The following SERPINF2 variants were observed in gnomAD, a reference collection of about 807,000 sequenced individuals.
The protein encoded by SERPINF2 is alpha-2-antiplasmin.
A neutral mutation model predicts 45.0 loss-of-function variants in SERPINF2; 15 were observed. The observed-to-expected ratio is 0.33, with a 90% CI of 0.22 to 0.51. SERPINF2 has a LOEUF of 0.51. Ranked by LOEUF, SERPINF2 falls within the 20% of genes least tolerant of loss-of-function variation. The pLI is 0.97. For missense variants in SERPINF2, 518 were observed against 637.4 expected (o/e 0.81, Z 2.02); for synonymous variants, 283 against 277.9 (o/e 1.02, Z -0.18).
intron 8 of SERPINF2, among the ~76,000 whole-genome samples, chr17:1,751,670 C>T (rs1346756643): frequency 7.3e-6 from 1 of 137,696 alleles, no homozygotes; most frequent in Non-Finnish European, 1.6e-5. Flanking sequence ...AGAAGAATGG[C>T]GTGAATCCAC....
At chr17:1,744,403 G>T (rs549602371) in intron 1 of SERPINF2, among the ~76,000 whole-genome samples, 1 of 152,222 alleles carries the variant, frequency 6.6e-6, no homozygotes, top group African/African-American at 2.4e-5. Flanking sequence ...TGAAGCAGGA[G>T]AATCGCTTGA....
In SERPINF2 at chr17:1,745,563, C is replaced by G. The variant is rs1440132911; in HGVS notation, c.166-145C>G. On this transcript the variant is annotated intron_variant, in intron 4 of 9. Coordinates refer to ENST00000453066, the MANE Select transcript of SERPINF2 (RefSeq NM_000934.4). This position sits in a 1 kb window ranked among gnomAD's most constrained non-coding sequence, Gnocchi z 6.2. ...AAGGTGGGCGCCAGGCCCCAGAATG[C>G]CAGTGCCCTCCGTCTGACGCTCCCT... 2.6e-6 allele frequency: 3 copies of G among 1,155,172 alleles called. No individual in the cohort carries two copies. The highest frequency in any genetic ancestry group is 3.0e-5 in the African/African-American group (2 of 65,762). 71.6% of individuals were successfully genotyped at this position (1,155,172 alleles called of 1,614,324 possible).
intron 7 of SERPINF2, among the ~76,000 whole-genome samples, chr17:1,748,198 G>A (rs1189271574): frequency 1.3e-5 from 2 of 151,892 alleles, no homozygotes; most frequent in African/African-American, 4.8e-5. Context: ...CTACTCGGGA[G>A]GCTGAGGCAG....
chr17:1,754,759 A>G lies in SERPINF2; in HGVS notation c.*225A>G. On this transcript the variant is annotated 3_prime_UTR_variant, in exon 10 of 10. Coordinates refer to ENST00000453066, the MANE Select transcript of SERPINF2 (RefSeq NM_000934.4). Reference sequence around the variant, plus strand: ...CCTGACCCTCATCTTTCTTCCAAACAGGCTCAGAGGGTGTCCTGCACCGGG... The same window carrying G: ...CCTGACCCTCATCTTTCTTCCAAACGGGCTCAGAGGGTGTCCTGCACCGGG... 1.7e-6 allele frequency: 1 copy of G among 599,628 alleles called. No individual in the cohort carries two copies. Among genetic ancestry groups the G allele is most frequent in the Non-Finnish European group, 2.9e-6 (1 of 347,048 alleles). 37.1% of individuals were successfully genotyped at this position (599,628 alleles called of 1,614,324 possible). A position where few individuals can be genotyped will look rare whatever the true frequency, so the allele number is the denominator to read the frequency against.
chr17:1,746,650 C>T (rs1905851415), intron 5 of SERPINF2, among the ~76,000 whole-genome samples: 1 of 152,090 alleles, frequency 6.6e-6, no homozygotes, highest in African/African-American at 2.4e-5. Flanking sequence ...TGGTCTCGAA[C>T]TCTCGACCTA....
Position 1,745,286 on chromosome 17 carries a change from G to A in SERPINF2, c.103-47G>A. ...TCACTGGTGGCTTGGGCAGGGTGGG[G>A]GGCCTGTGGGAAGGGTCGGTCTCCA... On this transcript the variant is annotated intron_variant, in intron 3 of 9. Coordinates refer to ENST00000453066, the MANE Select transcript of SERPINF2 (RefSeq NM_000934.4). The surrounding 1 kb of genome is among the most constrained non-coding windows in gnomAD (Gnocchi z 6.2). 1 of 1,610,528 alleles carries A rather than the reference G, an allele frequency of 6.2e-7. No homozygotes were observed. Among genetic ancestry groups the A allele is most frequent in the Non-Finnish European group, 8.5e-7 (1 of 1,178,842 alleles).
In SERPINF2 at chr17:1,748,702, C is replaced by CAG; in HGVS notation, c.820_821insAG (p.Pro274GlnfsTer24). The CAG allele has an allele frequency of 6.4e-7, 1 of 1,564,128 alleles. No individual in the cohort carries two copies. The highest frequency in any genetic ancestry group is 8.8e-7 in the Non-Finnish European group (1 of 1,134,420). On this transcript the variant is annotated frameshift_variant, in exon 8 of 10. Transcript: ENST00000453066. LOFTEE classifies it high-confidence loss of function. ...GGAAATGATGCAGGCCCGCACGTAC[C>CAG]CGCTGCGCTGGTTCTTGCTGGAGCA...
intron 1 of SERPINF2, among the ~76,000 whole-genome samples, chr17:1,743,288 T>C (rs999617896): frequency 2.0e-5 from 3 of 152,222 alleles, no homozygotes; most frequent in Non-Finnish European, 4.4e-5. Flanking sequence ...CAGAGGTGGC[T>C]CTGGCCAGAG....
Position 1,754,173 on chromosome 17 carries a change from G to A in SERPINF2, c.1115G>A (p.Ser372Asn). The A allele has an allele frequency of 1.9e-6, 3 of 1,611,686 alleles. No homozygotes were observed. Among genetic ancestry groups the A allele is most frequent in the South Asian group, 2.2e-5 (2 of 91,080 alleles). The change falls in exon 10 of 10, where the codon AGC becomes AAC. Residue 372 changes from serine (S) to asparagine (N), a missense_variant. Physicochemically the swap from Ser to Asn is conservative, Grantham distance 46 (BLOSUM62 1). Coordinates refer to ENST00000453066, the MANE Select transcript of SERPINF2 (RefSeq NM_000934.4). ...APDLRGISEQ[S>N]LVVSGVQHQS... ...GACCTGCGTGGGATCTCCGAGCAGA[G>A]CCTGGTGGTGTCCGGCGTGCAGCAT... is the stretch of plus-strand genomic sequence containing the variant.
At chr17:1,748,761 A>G (rs763118282) in intron 8 of SERPINF2, 21 bp downstream of exon 8, 21 of 1,230,482 alleles carry the variant, frequency 1.7e-5, no homozygotes, top group Middle Eastern at 1.9e-4. Flanking sequence ...GTTGTCCAGC[A>G]GGCTGGGCCT....
At chr17:1,744,053 G>A (rs1003490115) in intron 1 of SERPINF2, among the ~76,000 whole-genome samples, 10 of 150,302 alleles carry the variant, frequency 6.7e-5, no homozygotes, top group African/African-American at 1.5e-4. Context: ...CCACCACCAC[G>A]CCTGGCTAAT....
chr17:1,746,102 G>T (rs987403052), intron 5 of SERPINF2, among the ~76,000 whole-genome samples, 193 bp downstream of exon 5: 1 of 152,108 alleles, frequency 6.6e-6, no homozygotes, highest in Non-Finnish European at 1.5e-5. Flanking sequence ...GGTGGATCAC[G>T]AGGTCAGGAG....
chr17:1,754,630 C>T lies in SERPINF2; in HGVS notation c.*96C>T, dbSNP rs545313542. ...GGCTTTGTGGCACTGGGGCAGGGGC[C>T]GGGGGCAGTCTGAGAGAGGCCATTC... On this transcript the variant is annotated 3_prime_UTR_variant, in exon 10 of 10. Transcript: ENST00000453066. 2.8e-5 allele frequency: 39 copies of T among 1,371,940 alleles called. No individual in the cohort carries two copies. Among genetic ancestry groups the T allele is most frequent in the East Asian group, 2.2e-4 (8 of 36,850 alleles). 85.0% of individuals were successfully genotyped at this position (1,371,940 alleles called of 1,614,324 possible).
chr17:1,743,813 G>A (rs1449496814), intron 1 of SERPINF2, among the ~76,000 whole-genome samples: 2 of 151,962 alleles, frequency 1.3e-5, no homozygotes, highest in Non-Finnish European at 2.9e-5. Flanking sequence ...TTCAGGGCAG[G>A]CTTCCCAGAA....
rs768186501 is a variant in SERPINF2, at chr17:1,748,632, C to G, written c.750C>G (p.Thr250=). 9 of 1,614,078 alleles carry G rather than the reference C, an allele frequency of 5.6e-6. No individual in the cohort carries two copies. Among genetic ancestry groups the G allele is most frequent in the Non-Finnish European group, 6.8e-6 (8 of 1,180,046 alleles). ...GGAACAAGTTTGACCCGAGCCTTAC[C>G]CAGAGAGACTCCTTCCACCTGGACG... The part of the protein sequence containing the change: ...FWRNKFDPSL[T]QRDSFHLDEQ... The change falls in exon 8 of 10, where the codon ACC becomes ACG. Residue 250 remains threonine (T), a synonymous_variant. Transcript: ENST00000453066.
intron 9 of SERPINF2, 49 bp downstream of exon 9, chr17:1,752,839 G>A (rs572755173): frequency 5.9e-6 from 9 of 1,514,670 alleles, no homozygotes; most frequent in Non-Finnish European, 8.1e-6. Flanking sequence ...TGGGCAGGGC[G>A]GGTAAGGAGG....
rs1445714633 is a variant in SERPINF2 at position 1,745,290 on chromosome 17, C to T, written c.103-43C>T. 1.2e-6 allele frequency: 2 copies of T among 1,611,022 alleles called. No homozygotes were observed. The highest frequency in any genetic ancestry group is 1.1e-5 in the South Asian group (1 of 90,744). The stretch of plus-strand genomic sequence containing the variant: ...TGGTGGCTTGGGCAGGGTGGGGGGC[C>T]TGTGGGAAGGGTCGGTCTCCATCTG... On this transcript the variant is annotated intron_variant, in intron 3 of 9. Coordinates refer to ENST00000453066, the MANE Select transcript of SERPINF2 (RefSeq NM_000934.4). This position sits in a 1 kb window ranked among gnomAD's most constrained non-coding sequence, Gnocchi z 6.2.
intron 9 of SERPINF2, 126 bp from the exon 10 acceptor site, chr17:1,753,996 G>A: frequency 9.2e-7 from 1 of 1,090,664 alleles, no homozygotes; most frequent in Non-Finnish European, 1.3e-6. Context: ...AAACCGGATA[G>A]GAATGAAGCA....
intron 8 of SERPINF2, 92 bp from the exon 9 acceptor site, chr17:1,752,494 C>A: frequency 8.9e-7 from 1 of 1,118,542 alleles, no homozygotes; most frequent in Non-Finnish European, 1.4e-6. Flanking sequence ...GGCCAGGAGC[C>A]CCATTGTCTG....
Sources: gnomAD v4.1 joint callset for allele counts (sites outside exome capture counted in the v4.1 genomes callset) on GRCh38, gnomAD v4.1.1 for gene constraint, Gnocchi (gnomAD v3.1) non-coding constraint, MANE v1.5 for transcripts, NCBI Gene and HGNC (gene_info 2026-07-23, HGNC 2026-07-21) for gene names.